EYS: variants seen among roughly 807,000 people sequenced by gnomAD.
EYS encodes EGF-like photoreceptor maintenance factor, also known as protein eyes shut homolog.
A neutral mutation model predicts 282.1 loss-of-function variants in EYS; 250 were observed. That is an observed-to-expected ratio of 0.89 (90% CI 0.80 to 0.98). The LOEUF (loss-of-function observed/expected upper bound fraction) is 0.98, where lower values mean the gene tolerates loss of function less well. Among genes scored for constraint, EYS ranks in the 50% least tolerant of loss-of-function variants. The pLI is 0.00. For missense variants in EYS, 4,016 were observed against 3,709.0 expected (o/e 1.08, Z -2.15); for synonymous variants, 1,355 against 1,282.9 (o/e 1.06, Z -1.20).
intron 15 of EYS, among the ~76,000 whole-genome samples, chr6:64,923,317 A>G (rs1224735148): frequency 3.3e-5 from 5 of 152,148 alleles, no homozygotes; most frequent in African/African-American, 1.2e-4. Context: ...AGACTTAATG[A>G]CTATCACGAG....
intron 30 of EYS, among the ~76,000 whole-genome samples, chr6:64,295,528 G>GAAGA (rs1198928901): frequency 2.2e-5 from 1 of 46,466 alleles, no homozygotes; most frequent in East Asian, 4.1e-4. Flanking sequence ...AAAGAAGAAA[G>GAAGA]AAGAAGAAAG....
intron 22 of EYS, among the ~76,000 whole-genome samples, chr6:64,634,864 A>G (rs549809006): frequency 1.3e-5 from 2 of 152,330 alleles, no homozygotes; most frequent in African/African-American, 4.8e-5. Context: ...TATTTTTAAG[A>G]GATAACAAGC....
At chr6:65,275,850 A>C (rs1768031013) in intron 12 of EYS, among the ~76,000 whole-genome samples, 2 of 152,144 alleles carry the variant, frequency 1.3e-5, no homozygotes, top group Non-Finnish European at 2.9e-5. Context: ...TTTTGTTTTT[A>C]ATAAAATAGA....
chr6:64,676,089 G>A (rs1168979875), intron 22 of EYS, among the ~76,000 whole-genome samples: 1 of 148,248 alleles, frequency 6.7e-6, no homozygotes, highest in Non-Finnish European at 1.5e-5. Context: ...TAGAGAGAGA[G>A]AGGGAGAGAG....
rs1246176894 is a variant in EYS, at chr6:65,168,136, G to A, written c.2024-110409C>T. ...TAAATCTATGGTTATTTCTCAATCTGTTAGTGACATGACATTTTTTAAGTT... is the reference window on the plus strand; with the variant it reads ...TAAATCTATGGTTATTTCTCAATCTATTAGTGACATGACATTTTTTAAGTT... On this transcript the variant is annotated intron_variant, in intron 12 of 42. Coordinates refer to ENST00000503581, the MANE Select transcript of EYS (RefSeq NM_001142800.2). Among the ~76,000 whole-genome samples the A allele has an allele frequency of 2.0e-5, 3 of 151,122 alleles. No individual in the cohort carries two copies. In the East Asian group the frequency reaches 5.9e-4, roughly 30 times the overall value.
At chr6:64,446,951 A>G (rs911476845) in intron 26 of EYS, among the ~76,000 whole-genome samples, 10 of 149,042 alleles carry the variant, frequency 6.7e-5, no homozygotes, top group African/African-American at 2.4e-4. Flanking sequence ...ATATCTAAGA[A>G]ACAATAATGG....
intron 13 of EYS, among the ~76,000 whole-genome samples, chr6:65,041,623 G>C (rs1055837180): frequency 1.3e-4 from 20 of 151,354 alleles, no homozygotes; most frequent in Admixed American, 6.6e-4. Context: ...TCTAAATTTT[G>C]GTTAAAAACA....
chr6:64,856,501 G>A (rs1418303812), intron 19 of EYS, among the ~76,000 whole-genome samples: 1 of 152,062 alleles, frequency 6.6e-6, no homozygotes, highest in African/African-American at 2.4e-5. Flanking sequence ...GTTTTGTCAT[G>A]TTGACCAGGC....
intron 26 of EYS, among the ~76,000 whole-genome samples, chr6:64,572,947 A>G (rs1018406872): frequency 1.3e-5 from 2 of 152,226 alleles, no homozygotes; most frequent in Non-Finnish European, 1.5e-5. Flanking sequence ...TGGAACCAAA[A>G]TAGAGCCTGT....
At position 64,334,910 on chromosome 6, in the gene EYS, T is replaced by C. The variant is rs145439188; in HGVS notation, c.6079-27828A>G. Among the ~76,000 whole-genome samples, 1,312 of 152,190 alleles carry C rather than the reference T, an allele frequency of 8.6e-3. 25 individuals carry two copies. The highest frequency in any genetic ancestry group is 0.029 in the African/African-American group (1,202 of 41,548). On this transcript the variant is annotated intron_variant, in intron 29 of 42. Coordinates refer to ENST00000503581, the MANE Select transcript of EYS (RefSeq NM_001142800.2). ...TCATGGTTTGGAGGCTTTAAAACTT[T>C]AATAATAGGCTTTGTGGCCATAATA...
chr6:65,392,097 C>A (rs1463350903), intron 7 of EYS, among the ~76,000 whole-genome samples: 3 of 152,046 alleles, frequency 2.0e-5, no homozygotes, highest in Non-Finnish European at 4.4e-5. Flanking sequence ...ATAAATGGTG[C>A]TGGGGAAACT....
At chr6:65,054,351 T>C (rs968645486) in intron 13 of EYS, among the ~76,000 whole-genome samples, 5 of 152,028 alleles carry the variant, frequency 3.3e-5, no homozygotes, top group Non-Finnish European at 7.4e-5. Flanking sequence ...TCTTCTGGCT[T>C]TTCTCTAGTT....
chr6:64,626,293 G>A, intron 22 of EYS, 48 bp from the exon 23 acceptor site: 6 of 1,491,782 alleles, frequency 4.0e-6, no homozygotes, highest in South Asian at 1.4e-5. Flanking sequence ...ATACACATGA[G>A]CACTATCACT....
At chr6:65,193,691 C>A (rs566307683) in intron 12 of EYS, among the ~76,000 whole-genome samples, 13 of 151,600 alleles carry the variant, frequency 8.6e-5, no homozygotes, top group South Asian at 6.2e-4. Context: ...ACAAAAATCT[C>A]TGCCTCTATC....
intron 2 of EYS, among the ~76,000 whole-genome samples, chr6:65,624,278 T>C (rs1766619748): frequency 6.6e-6 from 1 of 152,188 alleles, no homozygotes; most frequent in Non-Finnish European, 1.5e-5. Flanking sequence ...GTATTGGGGT[T>C]GGCAGTTTTG....
At chr6:63,996,994 C>T (rs1767865755) in intron 34 of EYS, among the ~76,000 whole-genome samples, 1 of 152,054 alleles carries the variant, frequency 6.6e-6, no homozygotes, top group Non-Finnish European at 1.5e-5. Context: ...GGTTTATGTA[C>T]TGAAAAATAC....
intron 14 of EYS, among the ~76,000 whole-genome samples, chr6:64,954,273 T>A (rs904668750): frequency 3.4e-5 from 5 of 145,570 alleles, no homozygotes; most frequent in South Asian, 2.2e-4. Flanking sequence ...AATGTCGGTT[T>A]AAAAAAAAAA....
chr6:63,997,314 C>G (rs1767878793), intron 34 of EYS, among the ~76,000 whole-genome samples: 1 of 152,212 alleles, frequency 6.6e-6, no homozygotes, highest in African/African-American at 2.4e-5. Context: ...AGGTTGGGCC[C>G]TGAAGGCTGT....
chr6:64,150,079 G>C (rs1422708739), intron 31 of EYS, among the ~76,000 whole-genome samples: 2 of 152,110 alleles, frequency 1.3e-5, no homozygotes, highest in East Asian at 3.8e-4. Context: ...AATGATTCTA[G>C]GGCCTGGGAT....
Sources: allele counts gnomAD v4.1 joint callset (sites outside exome capture counted in the v4.1 genomes callset), GRCh38; gene constraint gnomAD v4.1.1; transcripts MANE v1.5; gene names NCBI Gene and HGNC (gene_info 2026-07-23, HGNC 2026-07-21).